The following ARHGEF3 variants were observed in gnomAD, a reference collection of about 807,000 sequenced individuals.
ARHGEF3 encodes the protein 59.8 kDA protein.
Under a neutral mutation model 63.2 loss-of-function variants are expected in ARHGEF3, and 28 were observed. That is an observed-to-expected ratio of 0.44 (90% CI 0.33 to 0.61). The LOEUF (loss-of-function observed/expected upper bound fraction) is 0.61, where lower values mean the gene tolerates loss of function less well. Ranked by LOEUF, ARHGEF3 falls within the 20% of genes least tolerant of loss-of-function variation. ARHGEF3 has a pLI of 0.03. For missense variants in ARHGEF3, 533 were observed against 659.3 expected, an observed-to-expected ratio of 0.81 and a Z score of 2.10; for synonymous variants, 266 against 254.2, an observed-to-expected ratio of 1.05 and a Z score of -0.44.
rs1578401932 is a variant in ARHGEF3, at chr3:56,747,609, G to A, written c.613-2147C>T. 2.0e-5 allele frequency among the ~76,000 whole-genome samples: 3 copies of A among 152,280 alleles called. No homozygotes were observed. In the South Asian group the frequency reaches 6.2e-4, roughly 32 times the overall value. On this transcript the variant is annotated intron_variant, in intron 6 of 9. Coordinates refer to ENST00000296315, the MANE Select transcript of ARHGEF3 (RefSeq NM_019555.3). ...TCATATTACTTTGGGAGGCACTTGA[G>A]GTCAGGAGTTTGAGCCCAGCCTGGG...
intron 9 of ARHGEF3, among the ~76,000 whole-genome samples, chr3:56,730,329 G>T (rs2033050124): frequency 6.6e-6 from 1 of 150,978 alleles, no homozygotes; most frequent in Non-Finnish European, 1.5e-5. Context: ...ACCTCAACAG[G>T]AGCCATCTGC....
At chr3:56,965,680 G>A (rs897915975) in intron 2 of ARHGEF3, among the ~76,000 whole-genome samples, 11 of 134,478 alleles carry the variant, frequency 8.2e-5, no homozygotes, top group African/African-American at 2.3e-4. Flanking sequence ...ACGGAGTCTC[G>A]CTCTGTCGCC....
intron 4 of ARHGEF3, among the ~76,000 whole-genome samples, chr3:56,872,654 C>T (rs1447827804): frequency 1.3e-5 from 2 of 151,958 alleles, no homozygotes; most frequent in Non-Finnish European, 1.5e-5. Context: ...GGATTGCAGG[C>T]ATGCACCCCC....
chr3:57,078,056 AAC>A (rs1170904275), intron 1 of ARHGEF3, among the ~76,000 whole-genome samples: 3 of 152,212 alleles, frequency 2.0e-5, no homozygotes, highest in Non-Finnish European at 2.9e-5. Context: ...AAGAGCAGCT[AAC>A]ACAGAGGATT....
At chr3:56,884,605 T>A (rs934886797) in intron 3 of ARHGEF3, among the ~76,000 whole-genome samples, 2 of 152,192 alleles carry the variant, frequency 1.3e-5, no homozygotes, top group Non-Finnish European at 2.9e-5. Flanking sequence ...TGCCCAGGAA[T>A]CTGGATTAAC....
In ARHGEF3 at chr3:57,019,767, G is replaced by A. The variant is rs79451163; in HGVS notation, c.62+15321C>T. ...TATGAAAAGGGAACAATAAGGAATT[G>A]ACAAGAAGGATTATTATATGTGGCT... On this transcript the variant is annotated intron_variant, in intron 2 of 12. Coordinates refer to the ARHGEF3 transcript ENST00000338458. Among the ~76,000 whole-genome samples the A allele has an allele frequency of 9.2e-3, 1,396 of 152,252 alleles. 27 individuals carry two copies. Among genetic ancestry groups the A allele is most frequent in the African/African-American group, 0.032 (1,310 of 41,544 alleles).
At chr3:56,855,117 A>T (rs2039822893) in intron 4 of ARHGEF3, among the ~76,000 whole-genome samples, 1 of 152,014 alleles carries the variant, frequency 6.6e-6, no homozygotes, top group Non-Finnish European at 1.5e-5. Context: ...AGAGGAGGGG[A>T]AAAGGAGGAA....
At chr3:56,940,815 C>T (rs541319191) in intron 3 of ARHGEF3, 2 of 152,278 alleles carry the variant, frequency 1.3e-5, no homozygotes, top group Admixed American at 6.5e-5. Flanking sequence ...AGACATTCTT[C>T]GGGTCACTTT....
chr3:56,981,346 T>A (rs138860731), intron 2 of ARHGEF3, among the ~76,000 whole-genome samples: 1 of 152,276 alleles, frequency 6.6e-6, no homozygotes, highest in African/African-American at 2.4e-5. Context: ...AAGCATGACA[T>A]CCATGACAGT....
chr3:57,038,654 A>T (rs1704056397), intron 1 of ARHGEF3, among the ~76,000 whole-genome samples: 1 of 152,294 alleles, frequency 6.6e-6, no homozygotes, highest in East Asian at 1.9e-4. Flanking sequence ...TATGTTGCCC[A>T]GGCTGGTCTC....
chr3:57,002,498 T>TTATATATATATA (rs1553802543), intron 2 of ARHGEF3, among the ~76,000 whole-genome samples: 2 of 13,494 alleles, frequency 1.5e-4, no homozygotes, highest in Non-Finnish European at 3.0e-4. Context: ...TATATATATG[T>TTATATATATATA]TATATATATA....
intron 8 of ARHGEF3, among the ~76,000 whole-genome samples, chr3:56,736,415 G>A (rs775909242): frequency 2.0e-4 from 31 of 152,128 alleles, no homozygotes; most frequent in Non-Finnish European, 4.1e-4. Flanking sequence ...ATAGGTCAAA[G>A]CTAAATATGC....
intron 1 of ARHGEF3, among the ~76,000 whole-genome samples, chr3:57,041,242 T>C (rs1040272661): frequency 6.6e-6 from 1 of 152,216 alleles, no homozygotes. Flanking sequence ...GAGCACCTCA[T>C]ATGCACCAGA....
At chr3:57,036,274 G>A (rs2107231769) in intron 1 of ARHGEF3, among the ~76,000 whole-genome samples, 1 of 152,250 alleles carries the variant, frequency 6.6e-6, no homozygotes, top group Admixed American at 6.5e-5. Context: ...CTCCAAGTAT[G>A]AGCTGTGAGT....
intron 1 of ARHGEF3, among the ~76,000 whole-genome samples, chr3:56,796,417 G>T (rs1006392550): frequency 1.3e-5 from 2 of 152,188 alleles, no homozygotes; most frequent in Non-Finnish European, 2.9e-5. Flanking sequence ...AGAACTGACG[G>T]TGGCACCTCC....
At chr3:56,738,604 T>A (rs1323747602) in intron 7 of ARHGEF3, among the ~76,000 whole-genome samples, 3 of 152,094 alleles carry the variant, frequency 2.0e-5, no homozygotes, top group African/African-American at 7.2e-5. Flanking sequence ...AGAGCACATG[T>A]GAGTGACTAA....
At chr3:57,047,827 A>G (rs145098963) in intron 1 of ARHGEF3, among the ~76,000 whole-genome samples, 91 of 152,308 alleles carry the variant, frequency 6.0e-4, no homozygotes, top group African/African-American at 2.0e-3. Context: ...AGCAGGAGAT[A>G]GAATCTGAAG....
At chr3:56,829,740 G>C (rs574182263) in intron 4 of ARHGEF3, among the ~76,000 whole-genome samples, 1 of 152,294 alleles carries the variant, frequency 6.6e-6, no homozygotes, top group East Asian at 1.9e-4. Flanking sequence ...CAAACAGCAG[G>C]CTGTCTTGTC....
chr3:56,865,145 C>A (rs986363096), intron 4 of ARHGEF3, among the ~76,000 whole-genome samples: 1 of 152,090 alleles, frequency 6.6e-6, no homozygotes, highest in Middle Eastern at 3.2e-3. Flanking sequence ...GTGGGGATGG[C>A]GAGCACATGG....
Sources: allele counts gnomAD v4.1 joint callset (sites outside exome capture counted in the v4.1 genomes callset), GRCh38; gene constraint gnomAD v4.1.1; transcripts MANE v1.5; gene names NCBI Gene and HGNC (gene_info 2026-07-23, HGNC 2026-07-21).